Variants in MELK observed in about 807,000 individuals in gnomAD.
MELK encodes maternal embryonic leucine zipper kinase.
A neutral mutation model predicts 85.0 loss-of-function variants in MELK; 81 were observed. The ratio of observed to expected loss-of-function variants is 0.95; its 90% CI spans 0.80 to 1.15. The LOEUF is 1.15. MELK is among the 50% of genes most tolerant of loss of function. The probability of loss-of-function intolerance (pLI) is 0.00; values close to 1 mark genes in which losing one functional copy is unlikely to be tolerated. For synonymous variants in MELK, 252 were observed against 265.0 expected, an observed-to-expected ratio of 0.95 and a Z score of 0.48; for missense variants, 754 against 777.5, an observed-to-expected ratio of 0.97 and a Z score of 0.36.
At position 36,668,188 on chromosome 9, in the gene MELK, T is replaced by C. The variant is rs571331491; in HGVS notation, c.1409-1122T>C. On this transcript the variant is annotated intron_variant, in intron 14 of 17. Transcript: ENST00000298048. ...AAGGGCAGTTCTGTATGGTGATAGA[T>C]ACTGTCTGTATACAAAGATGAAAAC... Among the ~76,000 whole-genome samples, 6 of 152,364 alleles carry C rather than the reference T, an allele frequency of 3.9e-5. No individual in the cohort carries two copies. The East Asian group carries it at 7.7e-4, about 20-fold the overall frequency.
chr9:36,641,730 C>G (rs1160967150), intron 10 of MELK, among the ~76,000 whole-genome samples: 1 of 151,694 alleles, frequency 6.6e-6, no homozygotes, highest in Non-Finnish European at 1.5e-5. Flanking sequence ...GCCTCAGCCT[C>G]CTGAGTAGCT....
At chr9:36,650,451 CAAAA>C (rs1830603639) in intron 11 of MELK, among the ~76,000 whole-genome samples, 1 of 152,026 alleles carries the variant, frequency 6.6e-6, no homozygotes, top group East Asian at 1.9e-4. Flanking sequence ...AAAGTTCATA[CAAAA>C]AGGCTGGAGA....
At position 36,607,644 on chromosome 9, in the gene MELK, A is replaced by G; in HGVS notation, c.637A>G (p.Asn213Asp). 6.2e-7 allele frequency: 1 copy of G among 1,609,516 alleles called. No individual in the cohort carries two copies. The highest frequency in any genetic ancestry group is 8.5e-7 in the Non-Finnish European group (1 of 1,175,888). The change falls in exon 8 of 18, where the codon AAT (asparagine) becomes GAT (aspartate). Residue 213 changes from asparagine to aspartate, a missense_variant. Asn to Asp is a conservative substitution (Grantham distance 23, BLOSUM62 1). Coordinates refer to ENST00000298048, the MANE Select transcript of MELK (RefSeq NM_014791.4). ...TGGATTTCTACCATTTGATGATGAT[A>G]ATGTAATGGCTTTATACAAGAAGAT... is the stretch of plus-strand genomic sequence containing the variant. ...MCGFLPFDDDNVMALYKKIMR... is the reference protein window; with the variant it reads ...MCGFLPFDDDDVMALYKKIMR...
At chr9:36,615,504 A>G (rs1160794394) in intron 8 of MELK, among the ~76,000 whole-genome samples, 1 of 105,204 alleles carries the variant, frequency 9.5e-6, no homozygotes, top group Non-Finnish European at 2.0e-5. Flanking sequence ...ACCCCCCCCC[A>G]CCTCCCTCCC....
At chr9:36,676,073 A>G (rs189685553) in intron 17 of MELK, among the ~76,000 whole-genome samples, 77 of 152,234 alleles carry the variant, frequency 5.1e-4, no homozygotes, top group African/African-American at 1.8e-3. Context: ...TCAATGATCT[A>G]TTATCTAACA....
At chr9:36,640,391 G>T (rs1463214639) in intron 10 of MELK, among the ~76,000 whole-genome samples, 2 of 152,170 alleles carry the variant, frequency 1.3e-5, no homozygotes, top group African/African-American at 4.8e-5. Context: ...TCACGTGGTG[G>T]AACGGGAGAA....
chr9:36,665,640 A>G, intron 14 of MELK, 59 bp downstream of exon 14: 1 of 1,327,274 alleles, frequency 7.5e-7, no homozygotes, highest in South Asian at 1.4e-5. Context: ...TGTTAAGTAA[A>G]CATATAGCAG....
intron 10 of MELK, among the ~76,000 whole-genome samples, chr9:36,637,397 C>A (rs554825760): frequency 2.0e-5 from 3 of 152,312 alleles, no homozygotes; most frequent in South Asian, 4.2e-4. Flanking sequence ...TTGCCAATTT[C>A]TTTGAAGTCT....
intron 3 of MELK, 121 bp from the exon 4 acceptor site, chr9:36,589,415 G>A (rs999902839): frequency 2.7e-5 from 19 of 710,460 alleles, no homozygotes; most frequent in South Asian, 1.5e-4. Flanking sequence ...CCCAAAGTGC[G>A]GGATTACAGG....
At chr9:36,625,406 C>T (rs1394475994) in intron 8 of MELK, among the ~76,000 whole-genome samples, 1 of 152,162 alleles carries the variant, frequency 6.6e-6, no homozygotes, top group Non-Finnish European at 1.5e-5. Flanking sequence ...AAGTAAAGCT[C>T]AGATACGAGA....
chr9:36,677,387 A>G lies in MELK; in HGVS notation c.*50A>G. 6.7e-7 allele frequency: 1 copy of G among 1,484,524 alleles called. No homozygotes were observed. The highest frequency in any genetic ancestry group is 9.1e-7 in the Non-Finnish European group (1 of 1,098,906). 92.0% of individuals were successfully genotyped at this position (1,484,524 alleles called of 1,614,324 possible). Reference sequence around the variant, plus strand: ...GATGAGTGTGGGTGTGATACAGCCTACATAAAGACTGTTATGATCGCTTTG... The same window carrying G: ...GATGAGTGTGGGTGTGATACAGCCTGCATAAAGACTGTTATGATCGCTTTG... On this transcript the variant is annotated 3_prime_UTR_variant, in exon 18 of 18. Transcript: ENST00000298048.
chr9:36,616,565 GTT>G (rs1826834733), intron 8 of MELK, among the ~76,000 whole-genome samples: 1 of 151,274 alleles, frequency 6.6e-6, no homozygotes, highest in Non-Finnish European at 1.5e-5. Context: ...AATTTTTGTA[GTT>G]TTAGCAGAGA....
chr9:36,582,070 C>T (rs1000349789), intron 2 of MELK, among the ~76,000 whole-genome samples: 3 of 151,626 alleles, frequency 2.0e-5, no homozygotes, highest in Non-Finnish European at 2.9e-5. Flanking sequence ...CTCCCGGGTT[C>T]ACGCCATTCT....
chr9:36,669,534 T>A, intron 15 of MELK, 128 bp downstream of exon 15: 1 of 638,944 alleles, frequency 1.6e-6, no homozygotes, highest in Non-Finnish European at 2.5e-6. Flanking sequence ...AATATCTGTT[T>A]ATGTGTGGAT....
At chr9:36,654,904 A>G (rs889436446) in intron 12 of MELK, among the ~76,000 whole-genome samples, 1 of 152,324 alleles carries the variant, frequency 6.6e-6, no homozygotes, top group Non-Finnish European at 1.5e-5. Context: ...TATGCAAATT[A>G]TTGAGACACG....
chr9:36,673,054 T>TAAA (rs1587640866), intron 16 of MELK, among the ~76,000 whole-genome samples: 2 of 152,254 alleles, frequency 1.3e-5, no homozygotes, highest in East Asian at 3.8e-4. Flanking sequence ...CTTAGTTTTT[T>TAAA]AAGATAGCAA....
chr9:36,654,349 C>CTTTT lies in MELK; in HGVS notation c.1053+2493_1053+2496dup, dbSNP rs34436735. On this transcript the variant is annotated intron_variant, in intron 12 of 17. Transcript: ENST00000298048. ...ACATTTTCCTGAGACATTGGATTGTCTTTTTTTTTTTTTTTTTTTTTTTTG... is the reference window on the plus strand; with the variant it reads ...ACATTTTCCTGAGACATTGGATTGTCTTTTTTTTTTTTTTTTTTTTTTTTTTTTG... 4.0e-3 allele frequency among the ~76,000 whole-genome samples: 339 copies of CTTTT among 84,118 alleles called. 9 individuals are homozygous for CTTTT. The highest frequency in any genetic ancestry group is 5.3e-3 in the Non-Finnish European group (247 of 46,652). 55.2% of individuals were successfully genotyped at this position (84,118 alleles called of 152,430 possible).
At chr9:36,668,154 A>C (rs1380298624) in intron 14 of MELK, among the ~76,000 whole-genome samples, 1 of 152,182 alleles carries the variant, frequency 6.6e-6, no homozygotes, top group Admixed American at 6.5e-5. Context: ...AGGCATTGGC[A>C]GTTTGTTGAA....
chr9:36,608,268 ACT>A (rs1167575579), intron 8 of MELK, among the ~76,000 whole-genome samples: 2 of 118,392 alleles, frequency 1.7e-5, no homozygotes, highest in African/African-American at 3.4e-5. Flanking sequence ...ACAGAGCAAG[ACT>A]CTGTCTCAAA....
Sources: gnomAD v4.1 joint callset for allele counts (sites outside exome capture counted in the v4.1 genomes callset) on GRCh38, gnomAD v4.1.1 for gene constraint, MANE v1.5 for transcripts, NCBI Gene and HGNC (gene_info 2026-07-23, HGNC 2026-07-21) for gene names.